The following CNTNAP2 variants were observed in gnomAD, a reference collection of about 807,000 sequenced individuals.
CNTNAP2 encodes the protein contactin associated protein 2.
In CNTNAP2, 98 loss-of-function variants were observed where a neutral mutation model predicts 155.2. The ratio of observed to expected loss-of-function variants is 0.63; its 90% CI spans 0.54 to 0.75. CNTNAP2 has a LOEUF of 0.75. CNTNAP2 is among the 30% of genes least tolerant of loss of function. CNTNAP2 has a pLI of 0.00. For missense variants in CNTNAP2, 1,727 were observed against 1,688.1 expected (o/e 1.02, Z -0.40); for synonymous variants, 651 against 631.2 (o/e 1.03, Z -0.47).
intron 1 of CNTNAP2, among the ~76,000 whole-genome samples, chr7:146,461,404 C>CA (rs67774821): frequency 1.3e-3 from 179 of 135,128 alleles, no homozygotes; most frequent in South Asian, 6.9e-3. Context: ...GACTCCGTCT[C>CA]AAAAAAAAAA....
At chr7:146,301,816 G>A (rs1220167863) in intron 1 of CNTNAP2, among the ~76,000 whole-genome samples, 4 of 152,260 alleles carry the variant, frequency 2.6e-5, no homozygotes, top group African/African-American at 9.6e-5. Flanking sequence ...TGTGTGCTGG[G>A]TGTGGAAGTA....
At chr7:146,671,123 A>G (rs1345268385) in intron 1 of CNTNAP2, among the ~76,000 whole-genome samples, 1 of 152,178 alleles carries the variant, frequency 6.6e-6, no homozygotes, top group Non-Finnish European at 1.5e-5. Flanking sequence ...TCTTCATTAC[A>G]TTAAGAGACT....
chr7:146,839,829 G>T lies in CNTNAP2; in HGVS notation c.327G>T (p.Trp109Cys), dbSNP rs1159645643. 2 of 1,614,100 alleles carry T rather than the reference G, an allele frequency of 1.2e-6. No individual in the cohort carries two copies. The highest frequency in any genetic ancestry group is 1.1e-5 in the South Asian group (1 of 91,084). ...ATQGRYSSSD[W>C]VTQYRMLYSD... is the part of the protein sequence containing the mutation. ...AAGGAAGGTATAGCAGCTCAGATTG[G>T]GTGACCCAATACCGGATGCTCTACA... is the stretch of plus-strand genomic sequence containing the variant. Residue 109 changes from tryptophan to cysteine, a missense_variant, in exon 3 of 24, where the codon TGG (tryptophan) becomes TGT (cysteine). Trp to Cys is a radical substitution (Grantham distance 215, BLOSUM62 -2). Transcript: ENST00000361727.
chr7:147,631,003 C>T (rs756983481), intron 12 of CNTNAP2, among the ~76,000 whole-genome samples: 20 of 151,880 alleles, frequency 1.3e-4, no homozygotes, highest in Non-Finnish European at 2.9e-5. Context: ...AAATAAAGGG[C>T]ATCAGAATCT....
At chr7:147,378,194 C>T (rs1796472361) in intron 9 of CNTNAP2, 4 of 291,910 alleles carry the variant, frequency 1.4e-5, no homozygotes, top group African/African-American at 4.6e-5. Flanking sequence ...ATGACATTGT[C>T]GATATTCAAT....
intron 15 of CNTNAP2, among the ~76,000 whole-genome samples, chr7:148,057,986 A>G (rs1184359644): frequency 6.8e-6 from 1 of 147,790 alleles, no homozygotes; most frequent in African/African-American, 2.5e-5. Context: ...TATTATTATT[A>G]TTGTTATTAT....
rs188972198 is a variant in CNTNAP2 at position 146,570,941 on chromosome 7, C to A, written c.98-203330C>A. Among the ~76,000 whole-genome samples the A allele has an allele frequency of 7.2e-5, 11 of 151,928 alleles. No homozygotes were observed. In the East Asian group the frequency reaches 2.1e-3, roughly 29 times the overall value. ...TTTTAGCTAACTTATTAGCATTTAGCCAAATAATAAGAAAATACTTAGGTT... is the reference window on the plus strand; with the variant it reads ...TTTTAGCTAACTTATTAGCATTTAGACAAATAATAAGAAAATACTTAGGTT... On this transcript the variant is annotated intron_variant, in intron 1 of 23. Coordinates refer to ENST00000361727, the MANE Select transcript of CNTNAP2 (RefSeq NM_014141.6).
At chr7:147,143,702 A>G (rs988561130) in intron 8 of CNTNAP2, among the ~76,000 whole-genome samples, 5 of 152,286 alleles carry the variant, frequency 3.3e-5, no homozygotes, top group Admixed American at 6.5e-5. Flanking sequence ...TAATTGCTTC[A>G]CTGTGGGAGG....
intron 1 of CNTNAP2, among the ~76,000 whole-genome samples, chr7:146,385,012 C>T (rs955439633): frequency 1.3e-5 from 2 of 152,012 alleles, no homozygotes; most frequent in Middle Eastern, 3.2e-3. Flanking sequence ...ATGAATAAGT[C>T]CTTATTTGTA....
At chr7:147,302,131 C>T (rs1249720298) in intron 9 of CNTNAP2, among the ~76,000 whole-genome samples, 1 of 152,204 alleles carries the variant, frequency 6.6e-6, no homozygotes, top group East Asian at 1.9e-4. Flanking sequence ...AATAGCCAAA[C>T]TGGTTACCGT....
chr7:147,638,248 A>G (rs918161246), intron 12 of CNTNAP2, among the ~76,000 whole-genome samples: 1 of 151,790 alleles, frequency 6.6e-6, no homozygotes, highest in Admixed American at 6.6e-5. Flanking sequence ...CATCTTGCAC[A>G]TTTCCAGCCG....
At chr7:147,204,849 G>T (rs1364511678) in intron 8 of CNTNAP2, among the ~76,000 whole-genome samples, 3 of 152,098 alleles carry the variant, frequency 2.0e-5, no homozygotes, top group Admixed American at 2.0e-4. Flanking sequence ...ACAAGTAATA[G>T]AAATTGCTAA....
intron 1 of CNTNAP2, among the ~76,000 whole-genome samples, chr7:146,749,330 C>G (rs996652284): frequency 1.3e-5 from 2 of 152,116 alleles, no homozygotes; most frequent in Non-Finnish European, 2.9e-5. Context: ...TGCTAGTGAA[C>G]GTAAAGAAAG....
At chr7:146,931,149 C>T (rs1386610897) in intron 3 of CNTNAP2, among the ~76,000 whole-genome samples, 19 of 151,372 alleles carry the variant, frequency 1.3e-4, no homozygotes, top group Non-Finnish European at 2.8e-4. Flanking sequence ...TTCAGCACCA[C>T]ACCACACCTA....
chr7:148,242,192 C>G (rs1284204436), intron 20 of CNTNAP2, among the ~76,000 whole-genome samples: 1 of 152,216 alleles, frequency 6.6e-6, no homozygotes, highest in Non-Finnish European at 1.5e-5. Flanking sequence ...TAAAATCACT[C>G]TCAAAGATTG....
At chr7:148,324,329 C>T (rs902397160) in intron 21 of CNTNAP2, among the ~76,000 whole-genome samples, 1 of 152,198 alleles carries the variant, frequency 6.6e-6, no homozygotes, top group Non-Finnish European at 1.5e-5. Context: ...ACTCAACTGT[C>T]ACCTTCTCCT....
At chr7:147,786,095 T>C (rs777255118) in intron 13 of CNTNAP2, among the ~76,000 whole-genome samples, 24 of 150,732 alleles carry the variant, frequency 1.6e-4, no homozygotes, top group Admixed American at 8.6e-4. Flanking sequence ...GTCGAGACCA[T>C]CCTGGCCAAC....
At chr7:146,235,168 G>A (rs1008286743) in intron 1 of CNTNAP2, among the ~76,000 whole-genome samples, 5 of 127,552 alleles carry the variant, frequency 3.9e-5, no homozygotes, top group African/African-American at 1.4e-4. Flanking sequence ...TATAAAAGGG[G>A]CAGGAAGAAC....
intron 2 of CNTNAP2, among the ~76,000 whole-genome samples, chr7:146,795,173 C>T (rs566372195): frequency 6.6e-6 from 1 of 152,262 alleles, no homozygotes; most frequent in South Asian, 2.1e-4. Flanking sequence ...GCAATCTCTA[C>T]CTTATATAGC....
Sources: allele counts gnomAD v4.1 joint callset (sites outside exome capture counted in the v4.1 genomes callset), GRCh38; gene constraint gnomAD v4.1.1; transcripts MANE v1.5; gene names NCBI Gene and HGNC (gene_info 2026-07-23, HGNC 2026-07-21).